The following ITFG1 variants were observed in gnomAD, a reference collection of about 807,000 sequenced individuals.
ITFG1 encodes T-cell immunomodulatory protein.
ITFG1 carries 34 observed loss-of-function variants against 81.8 expected under a neutral mutation model. The observed-to-expected ratio is 0.42, with a 90% CI of 0.32 to 0.55. The LOEUF (loss-of-function observed/expected upper bound fraction) is 0.55. ITFG1 is among the 20% of genes least tolerant of loss of function. ITFG1 has a pLI of 0.17. For synonymous variants in ITFG1, 285 were observed against 270.6 expected, an observed-to-expected ratio of 1.05 and a Z score of -0.52; for missense variants, 672 against 755.4, an observed-to-expected ratio of 0.89 and a Z score of 1.29.
chr16:47,389,141 C>A (rs1002328694), intron 6 of ITFG1, among the ~76,000 whole-genome samples: 2 of 152,116 alleles, frequency 1.3e-5, no homozygotes, highest in African/African-American at 4.8e-5. Context: ...CTCTCCTGAA[C>A]CTTTTTCGGT....
intron 10 of ITFG1, among the ~76,000 whole-genome samples, chr16:47,293,187 ATATAT>A (rs913066730): frequency 1.4e-4 from 20 of 147,634 alleles, no homozygotes; most frequent in African/African-American, 4.9e-4. Flanking sequence ...TACAAATGAT[ATATAT>A]TATATATCAT....
chr16:47,422,109 T>C (rs1404888946), intron 6 of ITFG1, among the ~76,000 whole-genome samples: 1 of 152,234 alleles, frequency 6.6e-6, no homozygotes. Context: ...TCCAAGTCTT[T>C]GCTATTGTGA....
intron 14 of ITFG1, among the ~76,000 whole-genome samples, chr16:47,174,072 CAAAA>C (rs941363212): frequency 2.6e-5 from 4 of 151,868 alleles, no homozygotes; most frequent in South Asian, 2.1e-4. Flanking sequence ...CAAAAACAAA[CAAAA>C]AAAGTTTTCA....
At chr16:47,314,790 T>C (rs762031405) in intron 8 of ITFG1, among the ~76,000 whole-genome samples, 32 of 152,194 alleles carry the variant, frequency 2.1e-4, no homozygotes, top group Non-Finnish European at 4.3e-4. Flanking sequence ...CTGTTGTTTA[T>C]TGTATTATTT....
chr16:47,389,021 C>A (rs1968497390), intron 6 of ITFG1, among the ~76,000 whole-genome samples: 2 of 152,188 alleles, frequency 1.3e-5, no homozygotes, highest in South Asian at 4.1e-4. Context: ...CTTCCCGCCT[C>A]ATGTTAGCTC....
chr16:47,223,957 T>C (rs1441809966), intron 13 of ITFG1, among the ~76,000 whole-genome samples: 1 of 150,934 alleles, frequency 6.6e-6, no homozygotes, highest in Non-Finnish European at 1.5e-5. Context: ...CAGTAAACTA[T>C]CACAAGAACA....
At chr16:47,286,374 T>G (rs1472180446) in intron 10 of ITFG1, among the ~76,000 whole-genome samples, 1 of 152,096 alleles carries the variant, frequency 6.6e-6, no homozygotes, top group Non-Finnish European at 1.5e-5. Context: ...GCGCGGTGGC[T>G]CACACCTGTA....
At chr16:47,298,629 G>A (rs1228499934) in intron 10 of ITFG1, among the ~76,000 whole-genome samples, 1 of 152,168 alleles carries the variant, frequency 6.6e-6, no homozygotes, top group Non-Finnish European at 1.5e-5. Flanking sequence ...TAGTAGCTGT[G>A]TACTGGGTGG....
chr16:47,156,424 T>C (rs1964708818), intron 17 of ITFG1, among the ~76,000 whole-genome samples: 1 of 151,906 alleles, frequency 6.6e-6, no homozygotes, highest in South Asian at 2.1e-4. Context: ...GGTGACAGAG[T>C]ACTAATGTAC....
chr16:47,335,422 A>G (rs1422389277), intron 8 of ITFG1, among the ~76,000 whole-genome samples: 1 of 152,132 alleles, frequency 6.6e-6, no homozygotes, highest in African/African-American at 2.4e-5. Flanking sequence ...AAAAAACCCT[A>G]CTAAGACATA....
At position 47,203,151 on chromosome 16, in the gene ITFG1, A is replaced by C. The variant is rs973070516; in HGVS notation, c.1453+15717T>G. Among the ~76,000 whole-genome samples, 18 of 152,226 alleles carry C rather than the reference A, an allele frequency of 1.2e-4. No homozygotes were observed. The East Asian group carries it at 3.5e-3, about 29-fold the overall frequency. On this transcript the variant is annotated intron_variant, in intron 14 of 17. Coordinates refer to ENST00000320640, the MANE Select transcript of ITFG1 (RefSeq NM_030790.5). ...AAAAATGTGGAATATACCTAAAATG[A>C]AATATTATTCAGCCTTAAAGCAAGA...
chr16:47,176,719 A>G (rs1965029282), intron 14 of ITFG1, among the ~76,000 whole-genome samples: 1 of 152,164 alleles, frequency 6.6e-6, no homozygotes, highest in African/African-American at 2.4e-5. Context: ...CTGATAGGTT[A>G]TTCTTCTTTC....
chr16:47,230,166 A>G (rs1965799507), intron 13 of ITFG1, among the ~76,000 whole-genome samples: 1 of 152,178 alleles, frequency 6.6e-6, no homozygotes, highest in Admixed American at 6.5e-5. Context: ...TATAGTGAGA[A>G]GAGAACCTAG....
chr16:47,191,897 G>C (rs1018530027), intron 14 of ITFG1, among the ~76,000 whole-genome samples: 1 of 152,080 alleles, frequency 6.6e-6, no homozygotes, highest in Non-Finnish European at 1.5e-5. Context: ...CTACAGCCTC[G>C]ATATCCTGGG....
intron 14 of ITFG1, among the ~76,000 whole-genome samples, chr16:47,197,021 G>C (rs1404878074): frequency 6.6e-6 from 1 of 152,148 alleles, no homozygotes; most frequent in Non-Finnish European, 1.5e-5. Context: ...CCAGATTCCA[G>C]CCTGACTCTG....
At chr16:47,303,257 C>A (rs570253210) in intron 10 of ITFG1, among the ~76,000 whole-genome samples, 1 of 151,280 alleles carries the variant, frequency 6.6e-6, no homozygotes, top group African/African-American at 2.4e-5. Flanking sequence ...GATGACAGAG[C>A]GAGACTCCAT....
chr16:47,437,549 A>G (rs571904747), intron 5 of ITFG1, among the ~76,000 whole-genome samples: 9 of 152,204 alleles, frequency 5.9e-5, no homozygotes, highest in Non-Finnish European at 1.2e-4. Flanking sequence ...AGGTGTAAAA[A>G]AAGGAAAATG....
chr16:47,242,253 C>G (rs1447463955), intron 12 of ITFG1, among the ~76,000 whole-genome samples: 1 of 151,186 alleles, frequency 6.6e-6, no homozygotes, highest in Non-Finnish European at 1.5e-5. Context: ...AAAAGAACTT[C>G]TAGATATCAG....
Position 47,368,273 on chromosome 16 carries a change from C to T in ITFG1, c.721-2404G>A, listed in dbSNP as rs576555754. On this transcript the variant is annotated intron_variant, in intron 7 of 17. Coordinates refer to ENST00000320640, the MANE Select transcript of ITFG1 (RefSeq NM_030790.5). ...AAAAAAAAAAGATCACAGCATTGGC[C>T]GGGCATGGTGGCTCACACTTGCAAT... 1.2e-3 allele frequency among the ~76,000 whole-genome samples: 185 copies of T among 148,912 alleles called. No individual in the cohort carries two copies. In the Middle Eastern group the frequency reaches 0.018, roughly 15 times the overall value.
Sources: allele counts gnomAD v4.1 joint callset (sites outside exome capture counted in the v4.1 genomes callset), GRCh38; gene constraint gnomAD v4.1.1; transcripts MANE v1.5; gene names NCBI Gene and HGNC (gene_info 2026-07-23, HGNC 2026-07-21).